The following SPOCK3 variants were observed in gnomAD, a reference collection of about 807,000 sequenced individuals.
The protein encoded by SPOCK3 is testican-3.
SPOCK3 carries 30 observed loss-of-function variants against 56.6 expected under a neutral mutation model. That is an observed-to-expected ratio of 0.53 (90% CI 0.40 to 0.72). The LOEUF is 0.72. SPOCK3 is among the 30% of genes least tolerant of loss of function. The probability of loss-of-function intolerance (pLI) is 0.00; values close to 1 mark genes in which losing one functional copy is unlikely to be tolerated. For synonymous variants in SPOCK3, 196 were observed against 183.3 expected (o/e 1.07, Z -0.56); for missense variants, 527 against 530.0 (o/e 0.99, Z 0.06).
chr4:166,965,088 A>G (rs1258663384), intron 4 of SPOCK3, among the ~76,000 whole-genome samples: 1 of 151,970 alleles, frequency 6.6e-6, no homozygotes, highest in East Asian at 1.9e-4. Context: ...ATGACTGTTT[A>G]TCTGGAAAAC....
intron 7 of SPOCK3, among the ~76,000 whole-genome samples, chr4:166,778,968 C>T (rs190994259): frequency 2.0e-5 from 3 of 151,964 alleles, no homozygotes; most frequent in Non-Finnish European, 2.9e-5. Context: ...CGAAGAAATC[C>T]GAGAAGAAAA....
chr4:166,849,467 T>A (rs1748452878), intron 6 of SPOCK3, among the ~76,000 whole-genome samples: 1 of 152,130 alleles, frequency 6.6e-6, no homozygotes, highest in African/African-American at 2.4e-5. Context: ...GAGAGACCAC[T>A]AATAATAGGC....
intron 5 of SPOCK3, among the ~76,000 whole-genome samples, chr4:166,896,583 T>C (rs1188901755): frequency 1.3e-5 from 2 of 152,126 alleles, no homozygotes; most frequent in Non-Finnish European, 2.9e-5. Flanking sequence ...TCGGTAAGGA[T>C]GTGTTCCAGG....
intron 6 of SPOCK3, among the ~76,000 whole-genome samples, chr4:166,821,928 T>C (rs1345355659): frequency 6.6e-6 from 1 of 152,084 alleles, no homozygotes; most frequent in Non-Finnish European, 1.5e-5. Context: ...ATTGCATGTG[T>C]TATTGTTTAT....
At chr4:166,976,694 T>A (rs1368898577) in intron 4 of SPOCK3, among the ~76,000 whole-genome samples, 1 of 152,112 alleles carries the variant, frequency 6.6e-6, no homozygotes, top group Non-Finnish European at 1.5e-5. Context: ...TAAGTTTCTG[T>A]ACCTCTAGCA....
At chr4:166,842,824 C>G (rs895832538) in intron 6 of SPOCK3, among the ~76,000 whole-genome samples, 1 of 152,218 alleles carries the variant, frequency 6.6e-6, no homozygotes. Context: ...CTGCCAGTCC[C>G]GCACTGCCGG....
At chr4:167,010,393 C>T (rs904030659) in intron 3 of SPOCK3, among the ~76,000 whole-genome samples, 1 of 151,642 alleles carries the variant, frequency 6.6e-6, no homozygotes, top group African/African-American at 2.4e-5. Context: ...GGTGGCCATG[C>T]CTGTAGTCCC....
intron 2 of SPOCK3, 146 bp downstream of exon 2, chr4:167,233,839 T>A (rs1317482024): frequency 2.9e-6 from 2 of 692,064 alleles, no homozygotes; most frequent in Non-Finnish European, 5.0e-6. Flanking sequence ...AACTGTGAAC[T>A]TCTCCAGCAG....
chr4:167,082,941 T>C (rs1757855948), intron 2 of SPOCK3, among the ~76,000 whole-genome samples: 1 of 152,050 alleles, frequency 6.6e-6, no homozygotes, highest in South Asian at 2.1e-4. Context: ...TACCGGAAAC[T>C]GATCTGACTT....
intron 2 of SPOCK3, among the ~76,000 whole-genome samples, chr4:167,159,439 G>T (rs1345511630): frequency 6.6e-6 from 1 of 151,730 alleles, no homozygotes; most frequent in African/African-American, 2.4e-5. Flanking sequence ...CGGAGGAAAG[G>T]AACATCCTTC....
intron 2 of SPOCK3, among the ~76,000 whole-genome samples, chr4:167,220,043 A>G (rs1379124153): frequency 1.3e-5 from 2 of 152,148 alleles, no homozygotes; most frequent in African/African-American, 4.8e-5. Flanking sequence ...GATATTCAAC[A>G]TGGAAAACAG....
chr4:167,234,226 G>T, intron 1 of SPOCK3, 53 bp from the exon 2 acceptor site: 2 of 1,586,672 alleles, frequency 1.3e-6, no homozygotes, highest in Non-Finnish European at 1.7e-6. Flanking sequence ...GTCAAATAAG[G>T]GGTACGAAGC....
intron 4 of SPOCK3, among the ~76,000 whole-genome samples, chr4:166,927,587 T>C (rs533078284): frequency 2.4e-4 from 37 of 152,198 alleles, no homozygotes; most frequent in African/African-American, 8.7e-4. Flanking sequence ...TCAAAACGTA[T>C]CACAGACCTA....
chr4:167,104,748 C>G (rs1759947111), intron 2 of SPOCK3, among the ~76,000 whole-genome samples: 1 of 151,358 alleles, frequency 6.6e-6, no homozygotes, highest in Non-Finnish European at 1.5e-5. Flanking sequence ...GGTTATAGAA[C>G]ACCAAGCGGA....
At chr4:167,071,590 A>G (rs1038019868) in intron 2 of SPOCK3, among the ~76,000 whole-genome samples, 2 of 151,914 alleles carry the variant, frequency 1.3e-5, no homozygotes, top group Non-Finnish European at 2.9e-5. Context: ...TTATGGCTGC[A>G]TAGTATTCCA....
At chr4:166,899,180 C>T (rs1380390035) in intron 5 of SPOCK3, among the ~76,000 whole-genome samples, 1 of 151,756 alleles carries the variant, frequency 6.6e-6, no homozygotes, top group East Asian at 2.0e-4. Flanking sequence ...TTGTGGACAA[C>T]AGATCTTGGT....
At chr4:167,112,705 A>C (rs1761002759) in intron 2 of SPOCK3, among the ~76,000 whole-genome samples, 1 of 152,160 alleles carries the variant, frequency 6.6e-6, no homozygotes, top group South Asian at 2.1e-4. Flanking sequence ...AATAGGAAAG[A>C]AATGAGGTTT....
intron 7 of SPOCK3, among the ~76,000 whole-genome samples, chr4:166,755,186 A>T (rs549293312): frequency 6.6e-6 from 1 of 152,278 alleles, no homozygotes; most frequent in African/African-American, 2.4e-5. Context: ...AATAACTTTA[A>T]TAATTCCCTA....
At chr4:166,948,127 G>A (rs542969826) in intron 4 of SPOCK3, among the ~76,000 whole-genome samples, 11 of 151,764 alleles carry the variant, frequency 7.2e-5, no homozygotes, top group Admixed American at 4.6e-4. Context: ...TTGTCTTTCT[G>A]TGCCTGGCTT....
Sources: gnomAD v4.1 joint callset for allele counts (sites outside exome capture counted in the v4.1 genomes callset) on GRCh38, gnomAD v4.1.1 for gene constraint, MANE v1.5 for transcripts, NCBI Gene and HGNC (gene_info 2026-07-23, HGNC 2026-07-21) for gene names.